The following IMMP2L variants were observed in gnomAD, a reference collection of about 807,000 sequenced individuals.
IMMP2L encodes mitochondrial inner membrane protease subunit 2.
A neutral mutation model predicts 19.3 loss-of-function variants in IMMP2L; 18 were observed. That is an observed-to-expected ratio of 0.93 (90% confidence interval 0.64 to 1.38). The LOEUF (loss-of-function observed/expected upper bound fraction) is 1.38. Among genes scored for constraint, IMMP2L ranks in the 40% most tolerant of loss-of-function variants. The pLI is 0.00. For missense variants in IMMP2L, 233 were observed against 218.2 expected (o/e 1.07, Z -0.43); for synonymous variants, 76 against 73.0 (o/e 1.04, Z -0.21).
At chr7:111,328,601 G>C (rs558251389) in intron 3 of IMMP2L, among the ~76,000 whole-genome samples, 10 of 151,948 alleles carry the variant, frequency 6.6e-5, no homozygotes, top group African/African-American at 2.2e-4. Context: ...AAAACTAGAG[G>C]TGTGTTACGT....
In IMMP2L at chr7:111,196,110, G is replaced by A. The variant is rs12533373; in HGVS notation, c.240-232545C>T. Among the ~76,000 whole-genome samples, 338 of 152,148 alleles carry A rather than the reference G, an allele frequency of 2.2e-3. 1 individual carries two copies. The highest frequency in any genetic ancestry group is 4.8e-3 in the Admixed American group (74 of 15,274). On this transcript the variant is annotated intron_variant, in intron 3 of 5. Transcript: ENST00000405709. ...ACTGGTCTTGAACTACTTGGATCATGCAATCCTCCCACATTAGCCTCCCAA... is the reference window on the plus strand; with the variant it reads ...ACTGGTCTTGAACTACTTGGATCATACAATCCTCCCACATTAGCCTCCCAA...
intron 3 of IMMP2L, among the ~76,000 whole-genome samples, chr7:111,367,988 A>C (rs1363205127): frequency 6.6e-6 from 1 of 151,816 alleles, no homozygotes; most frequent in East Asian, 1.9e-4. Context: ...CCACTCATTA[A>C]AAAAAGGAAA....
intron 3 of IMMP2L, among the ~76,000 whole-genome samples, chr7:111,474,300 C>T (rs968771679): frequency 4.6e-5 from 7 of 152,172 alleles, no homozygotes; most frequent in African/African-American, 1.7e-4. Context: ...TAACAAAGTG[C>T]ACATGTGCCC....
At chr7:111,429,284 A>T (rs903511723) in intron 3 of IMMP2L, among the ~76,000 whole-genome samples, 1 of 151,942 alleles carries the variant, frequency 6.6e-6, no homozygotes, top group Non-Finnish European at 1.5e-5. Flanking sequence ...ATCAACACAA[A>T]AAAAGGCCCC....
At chr7:111,205,783 G>A (rs1372824558) in intron 3 of IMMP2L, among the ~76,000 whole-genome samples, 5 of 152,102 alleles carry the variant, frequency 3.3e-5, no homozygotes, top group South Asian at 2.1e-4. Flanking sequence ...CCTATACTGA[G>A]TTCCACAGAG....
chr7:111,467,708 T>C (rs1299877878), intron 3 of IMMP2L, among the ~76,000 whole-genome samples: 1 of 152,168 alleles, frequency 6.6e-6, no homozygotes, highest in Non-Finnish European at 1.5e-5. Flanking sequence ...GTTGACAATA[T>C]ATTCATTACT....
At chr7:111,418,367 ATC>A (rs1348764783) in intron 3 of IMMP2L, among the ~76,000 whole-genome samples, 7 of 151,778 alleles carry the variant, frequency 4.6e-5, no homozygotes, top group African/African-American at 1.7e-4. Flanking sequence ...CTAATTAGTA[ATC>A]TCTATGTATT....
chr7:111,471,717 T>C (rs1018229581), intron 3 of IMMP2L, among the ~76,000 whole-genome samples: 1 of 152,164 alleles, frequency 6.6e-6, no homozygotes, highest in Non-Finnish European at 1.5e-5. Flanking sequence ...GCTCACGTTA[T>C]ATTTCTTTTG....
intron 5 of IMMP2L, among the ~76,000 whole-genome samples, chr7:110,872,695 A>G (rs751400102): frequency 1.3e-5 from 2 of 152,166 alleles, no homozygotes; most frequent in Non-Finnish European, 2.9e-5. Flanking sequence ...AGCTAGGCCA[A>G]TCATAGTCAT....
chr7:110,863,899 A>G (rs952617385), intron 5 of IMMP2L, among the ~76,000 whole-genome samples: 2 of 152,110 alleles, frequency 1.3e-5, no homozygotes, highest in African/African-American at 4.8e-5. Context: ...GCCCAATATC[A>G]ATGGGATGCA....
intron 3 of IMMP2L, among the ~76,000 whole-genome samples, chr7:111,356,942 G>A (rs941102230): frequency 1.1e-4 from 15 of 138,330 alleles, no homozygotes; most frequent in African/African-American, 4.5e-4. Context: ...CAGGAGAAGC[G>A]CTTGAACCAG....
chr7:111,461,109 G>C (rs546788877), intron 3 of IMMP2L, among the ~76,000 whole-genome samples: 51 of 152,176 alleles, frequency 3.4e-4, no homozygotes, highest in African/African-American at 1.2e-3. Flanking sequence ...GTGCTGGATA[G>C]TTGCTTTCAA....
chr7:111,146,165 A>G (rs746022836), intron 3 of IMMP2L, among the ~76,000 whole-genome samples: 1 of 151,276 alleles, frequency 6.6e-6, no homozygotes, highest in Non-Finnish European at 1.5e-5. Flanking sequence ...TTAAAAACTT[A>G]TAATTCAAAA....
Position 111,338,501 on chromosome 7 carries a change from T to G in IMMP2L, c.239+148737A>C, listed in dbSNP as rs575646650. The stretch of plus-strand genomic sequence containing the variant: ...AAATAATTAATGGATATGCCATAAA[T>G]CAAACAATCATATATAATAAGTACA... On this transcript the variant is annotated intron_variant, in intron 3 of 5. Coordinates refer to ENST00000405709, the MANE Select transcript of IMMP2L (RefSeq NM_032549.4). Among the ~76,000 whole-genome samples the G allele has an allele frequency of 1.2e-4, 19 of 152,196 alleles. No individual in the cohort carries two copies. The South Asian group carries it at 3.9e-3, about 32-fold the overall frequency.
intron 5 of IMMP2L, among the ~76,000 whole-genome samples, chr7:110,776,761 A>C (rs1292208036): frequency 6.6e-6 from 1 of 152,024 alleles, no homozygotes; most frequent in African/African-American, 2.4e-5. Context: ...AAGCCTGACG[A>C]CTATAAAACT....
At chr7:111,442,938 A>G (rs1837894678) in intron 3 of IMMP2L, among the ~76,000 whole-genome samples, 1 of 152,048 alleles carries the variant, frequency 6.6e-6, no homozygotes, top group East Asian at 1.9e-4. Context: ...AAAAGCCTCT[A>G]TGTTGACAGG....
intron 5 of IMMP2L, among the ~76,000 whole-genome samples, chr7:110,860,786 A>G (rs977190361): frequency 1.3e-5 from 2 of 152,088 alleles, no homozygotes; most frequent in Admixed American, 1.3e-4. Context: ...TTTTTGTGTT[A>G]AAGCCATTTT....
rs1796025256 is a variant in IMMP2L, at chr7:110,728,192, CA to C, written c.409-64472del. 6.6e-6 allele frequency among the ~76,000 whole-genome samples: 1 copy of C among 152,064 alleles called. No individual in the cohort carries two copies. The highest frequency in any genetic ancestry group is 6.6e-5 in the Admixed American group (1 of 15,260). On this transcript the variant is annotated intron_variant, in intron 5 of 5. Transcript: ENST00000405709. The surrounding 1 kb of genome is among the most constrained non-coding windows in gnomAD (Gnocchi z 4.6). ...CTGCCATGCTTGTTGTTGTTGTTATCAATATTATTAATAATCTTAAAGGCGA... is the reference window on the plus strand; with the variant it reads ...CTGCCATGCTTGTTGTTGTTGTTATCATATTATTAATAATCTTAAAGGCGA...
At chr7:110,901,297 ATATTCAATAAATATATACTGACT>A (rs1811837656) in intron 4 of IMMP2L, among the ~76,000 whole-genome samples, 2 of 152,272 alleles carry the variant, frequency 1.3e-5, no homozygotes, top group South Asian at 4.1e-4. Context: ...TTTTCAATAC[ATATTCAATAAATATATACTGACT>A]AAATGGATAT....
Sources: allele counts gnomAD v4.1 joint callset (sites outside exome capture counted in the v4.1 genomes callset), GRCh38; gene constraint gnomAD v4.1.1; non-coding constraint Gnocchi (gnomAD v3.1); transcripts MANE v1.5; gene names NCBI Gene and HGNC (gene_info 2026-07-23, HGNC 2026-07-21).